The following PRR33 variants were observed in gnomAD, a reference collection of about 807,000 sequenced individuals.
PRR33 encodes the protein proline-rich protein 33.
A neutral mutation model predicts 0.5 loss-of-function variants in PRR33; 1 was observed. The observed-to-expected ratio is 2.18, with a 90% confidence interval of 0.77 to 10.34. The LOEUF is 10.34. PRR33 is among the 30% of genes most tolerant of loss of function. The pLI, the probability that PRR33 is intolerant of heterozygous loss-of-function variation, is 0.13. For missense variants in PRR33, 552 were observed against 251.8 expected, an observed-to-expected ratio of 2.19 and a Z score of -8.07; for synonymous variants, 226 against 110.0, an observed-to-expected ratio of 2.06 and a Z score of -6.60.
exon 1 of PRR33, chr11:1,890,118 G>A (rs769076217): frequency 8.4e-6 from 6 of 716,946 alleles, no homozygotes; most frequent in East Asian, 5.4e-5. Context: ...TTCTGGGGCC[G>A]AGGCTACAAC....
exon 1 of PRR33, chr11:1,888,925 G>A: frequency 2.1e-6 from 1 of 479,424 alleles, no homozygotes; most frequent in Non-Finnish European, 3.7e-6. Context: ...CTGCAGCCCA[G>A]GGGCTCCAGC....
At chr11:1,890,647 G>A (rs891527573) in exon 1 of PRR33, 4 of 666,210 alleles carry the variant, frequency 6.0e-6, no homozygotes, top group Non-Finnish European at 1.1e-5. Flanking sequence ...TGAGGTGGGA[G>A]GCCTGTGTCT....
chr11:1,908,660 G>A, the PRR33 span, among the ~76,000 whole-genome samples: 7 of 152,198 alleles, frequency 4.6e-5, no homozygotes, highest in East Asian at 1.9e-4. Flanking sequence ...GCATCTGGCC[G>A]CGTTCCTGAA....
the PRR33 span, among the ~76,000 whole-genome samples, chr11:1,903,560 T>A: frequency 6.6e-6 from 1 of 152,196 alleles, no homozygotes; most frequent in Non-Finnish European, 1.5e-5. Context: ...GAGCCCTTGT[T>A]TTTAGGTGCA....
chr11:1,913,438 G>A, the PRR33 span, among the ~76,000 whole-genome samples: 2 of 152,062 alleles, frequency 1.3e-5, no homozygotes, highest in East Asian at 1.9e-4. Flanking sequence ...GAGCCACCGC[G>A]CCCGGCCCCC....
At chr11:1,907,174 T>C in the PRR33 span, among the ~76,000 whole-genome samples, 3 of 152,248 alleles carry the variant, frequency 2.0e-5, no homozygotes, top group African/African-American at 7.2e-5. Flanking sequence ...CTGTTCTGTG[T>C]TGCTGTTTGG....
At chr11:1,895,989 C>A (rs1022587915), upstream of PRR33, among the ~76,000 whole-genome samples, 2 of 152,160 alleles carry the variant, frequency 1.3e-5, no homozygotes, top group Non-Finnish European at 2.9e-5. Flanking sequence ...GCCTGGGCAA[C>A]AGAGTGAGAC....
the PRR33 span, among the ~76,000 whole-genome samples, chr11:1,911,898 C>T: frequency 6.6e-6 from 1 of 150,470 alleles, no homozygotes; most frequent in Admixed American, 6.7e-5. Flanking sequence ...TGGTGGGTCT[C>T]ACCTGTAATC....
chr11:1,915,044 G>A, the PRR33 span, among the ~76,000 whole-genome samples: 86 of 148,238 alleles, frequency 5.8e-4, no homozygotes, highest in African/African-American at 2.1e-3. Flanking sequence ...GATGATGTTT[G>A]TGAGTGTGTG....
exon 1 of PRR33, chr11:1,890,248 G>C (rs183686134): frequency 8.4e-6 from 6 of 715,704 alleles, no homozygotes; most frequent in Non-Finnish European, 1.6e-5. Flanking sequence ...TGCGGGGAGC[G>C]GGGTAGGGCA....
the PRR33 span, among the ~76,000 whole-genome samples, chr11:1,897,576 C>T: frequency 9.6e-4 from 146 of 152,312 alleles, no homozygotes; most frequent in African/African-American, 3.3e-3. The surrounding 1 kb of genome is among the most constrained non-coding windows in gnomAD (Gnocchi z 4.0). Context: ...TGCGGGAGCT[C>T]AGTCCAAAAC....
At chr11:1,895,973 A>G (rs1849120265), upstream of PRR33, among the ~76,000 whole-genome samples, 1 of 152,084 alleles carries the variant, frequency 6.6e-6, no homozygotes. Flanking sequence ...GCACCACTGC[A>G]CTCCAGCCTG....
upstream of PRR33, among the ~76,000 whole-genome samples, chr11:1,893,159 T>A (rs539159249): frequency 8.3e-6 from 1 of 120,434 alleles, no homozygotes; most frequent in East Asian, 2.2e-4. Context: ...GATGAGTGAA[T>A]GAGTAAGTGG....
chr11:1,902,013 A>T, the PRR33 span, among the ~76,000 whole-genome samples: 1 of 152,140 alleles, frequency 6.6e-6, no homozygotes, highest in African/African-American at 2.4e-5. Flanking sequence ...CGGGTGGATC[A>T]TGAGGTCAGG....
At chr11:1,913,226 G>A in the PRR33 span, among the ~76,000 whole-genome samples, 1 of 151,588 alleles carries the variant, frequency 6.6e-6, no homozygotes, top group African/African-American at 2.4e-5. Flanking sequence ...TCCCAGCTTC[G>A]CGCCATTCTC....
the PRR33 span, among the ~76,000 whole-genome samples, chr11:1,917,095 A>G: frequency 6.6e-6 from 1 of 152,210 alleles, no homozygotes; most frequent in Non-Finnish European, 1.5e-5. Flanking sequence ...GCAGCTACCT[A>G]GGGCTGGAGC....
the PRR33 span, among the ~76,000 whole-genome samples, chr11:1,915,448 G>A: frequency 1.3e-4 from 20 of 149,526 alleles, no homozygotes; most frequent in Non-Finnish European, 1.0e-4. Context: ...ATGTTTCTGC[G>A]TGTGTGTGTA....
At chr11:1,895,853 A>G (rs1475167303), upstream of PRR33, among the ~76,000 whole-genome samples, 1 of 152,162 alleles carries the variant, frequency 6.6e-6, no homozygotes, top group Admixed American at 6.5e-5. Context: ...ACCTTTGTCA[A>G]AAGTCTGAAC....
At chr11:1,893,901 A>C (rs1341487293), upstream of PRR33, among the ~76,000 whole-genome samples, 4 of 151,296 alleles carry the variant, frequency 2.6e-5, no homozygotes, top group Admixed American at 2.6e-4. Flanking sequence ...AGGTGGATGG[A>C]TGAATGGAGA....
Sources: gnomAD v4.1 joint callset for allele counts (sites outside exome capture counted in the v4.1 genomes callset) on GRCh38, gnomAD v4.1.1 for gene constraint, Gnocchi (gnomAD v3.1) non-coding constraint, MANE v1.5 for transcripts, NCBI Gene and HGNC (gene_info 2026-07-23, HGNC 2026-07-21) for gene names.